The following SP4 variants were observed in gnomAD, a reference collection of about 807,000 sequenced individuals.
The protein encoded by SP4 is Sp4 transcription factor.
SP4 carries 19 observed loss-of-function variants against 72.8 expected under a neutral mutation model. That is an observed-to-expected ratio of 0.26 (90% CI 0.18 to 0.38). The LOEUF (loss-of-function observed/expected upper bound fraction) is 0.38. SP4 is among the 10% of genes least tolerant of loss of function. The probability of loss-of-function intolerance (pLI) is 1.00; values close to 1 mark genes in which losing one functional copy is unlikely to be tolerated. For synonymous variants in SP4, 395 were observed against 333.1 expected, an observed-to-expected ratio of 1.19 and a Z score of -2.02; for missense variants, 1,008 against 926.3, an observed-to-expected ratio of 1.09 and a Z score of -1.14.
Position 21,429,523 on chromosome 7 carries a change from C to T in SP4, c.358C>T (p.Pro120Ser), listed in dbSNP as rs754307799. The T allele has an allele frequency of 1.2e-6, 2 of 1,614,140 alleles. No homozygotes were observed. The highest frequency in any genetic ancestry group is 1.7e-4 in the Middle Eastern group (1 of 6,060). The change falls in exon 3 of 6, where the codon CCA becomes TCA. Residue 120 changes from proline (P) to serine (S), a missense_variant. Pro to Ser is a moderately conservative substitution (Grantham distance 74, BLOSUM62 -1). Around this residue, in one of 3 missense-constraint regions of SP4, gnomAD observed 893 missense variants for 743.3 expected, o/e 1.20. Coordinates refer to ENST00000222584, the MANE Select transcript of SP4 (RefSeq NM_003112.5). ...TTCAAAAGAGAATAACGTTTCTCAA[C>T]CAGCCTCTAGTTCGTCTAGTTCTTC... ...PASKENNVSQ[P>S]ASSSSSSSSS...
intron 3 of SP4, among the ~76,000 whole-genome samples, chr7:21,475,415 G>A (rs929360593): frequency 1.3e-5 from 2 of 151,426 alleles, no homozygotes; most frequent in African/African-American, 4.9e-5. Context: ...CGCCTGGCCT[G>A]AAAGAAACCC....
chr7:21,483,576 T>C (rs6948810), intron 5 of SP4, among the ~76,000 whole-genome samples: 118,833 of 151,720 alleles, frequency 0.78, 47,139 homozygotes, highest in African/African-American at 0.91. Context: ...TATTTTTCTT[T>C]CATATGGAAA....
rs1785013088 is a variant in SP4, at chr7:21,492,750, A to G, written c.2107+10627A>G. ...GATACTGTCCAATGACATTTTTTAA[A>G]AAGGATCCAGCTGTATACTCTGGAT... is the stretch of plus-strand genomic sequence containing the variant. On this transcript the variant is annotated intron_variant, in intron 5 of 5. Coordinates refer to ENST00000222584, the MANE Select transcript of SP4 (RefSeq NM_003112.5). Among the ~76,000 whole-genome samples, 3 of 152,360 alleles carry G rather than the reference A, an allele frequency of 2.0e-5. No homozygotes were observed. In the South Asian group the frequency reaches 6.2e-4, roughly 32 times the overall value.
chr7:21,443,650 G>A (rs1783330066), intron 3 of SP4, among the ~76,000 whole-genome samples: 1 of 152,198 alleles, frequency 6.6e-6, no homozygotes, highest in African/African-American at 2.4e-5. Context: ...GCTTTGGTAA[G>A]TGGGTATCTG....
chr7:21,434,283 T>C (rs1321786418), intron 3 of SP4, among the ~76,000 whole-genome samples: 1 of 152,168 alleles, frequency 6.6e-6, no homozygotes, highest in African/African-American at 2.4e-5. Context: ...CATTTTACTC[T>C]TCAGGAGATT....
chr7:21,486,638 TTATCA>T (rs369090400), intron 5 of SP4, among the ~76,000 whole-genome samples: 60 of 152,336 alleles, frequency 3.9e-4, no homozygotes, highest in African/African-American at 1.4e-3. Flanking sequence ...TGTCTTTCTC[TTATCA>T]TATAAGAGGA....
chr7:21,465,143 A>G (rs1360510353), intron 3 of SP4, among the ~76,000 whole-genome samples: 1 of 152,218 alleles, frequency 6.6e-6, no homozygotes, highest in Non-Finnish European at 1.5e-5. Context: ...GATTAGAATA[A>G]ATAGAAATAA....
intron 3 of SP4, among the ~76,000 whole-genome samples, chr7:21,440,283 G>T (rs1299818473): frequency 6.6e-6 from 1 of 152,008 alleles, no homozygotes; most frequent in Non-Finnish European, 1.5e-5. Flanking sequence ...TCAAAGATTA[G>T]GTAAGTTAAT....
At chr7:21,446,604 T>G (rs553974759) in intron 3 of SP4, among the ~76,000 whole-genome samples, 1 of 152,290 alleles carries the variant, frequency 6.6e-6, no homozygotes, top group South Asian at 2.1e-4. Context: ...GTACTTTCAT[T>G]TAGTGTTAGG....
In SP4 at chr7:21,430,514, A is replaced by G. The variant is rs1188620745; in HGVS notation, c.1349A>G (p.Asn450Ser). ...CAGAATGTTCAACTTCAAGCAGTAAATCCGACTCAGGTGCTTATCAGGGCT... is the reference window on the plus strand; with the variant it reads ...CAGAATGTTCAACTTCAAGCAGTAAGTCCGACTCAGGTGCTTATCAGGGCT... ...PLQNVQLQAVNPTQVLIRAPT... is the reference protein window; with the variant it reads ...PLQNVQLQAVSPTQVLIRAPT... The change falls in exon 3 of 6, where the codon AAT (asparagine) becomes AGT (serine). Residue 450 changes from asparagine (N) to serine (S), a missense_variant. Physicochemically the swap from Asn to Ser is conservative, Grantham distance 46 (BLOSUM62 1). Around this residue, in one of 3 missense-constraint regions of SP4, gnomAD observed 893 missense variants for 743.3 expected, o/e 1.20. Transcript: ENST00000222584. 6.2e-7 allele frequency: 1 copy of G among 1,614,104 alleles called. No individual in the cohort carries two copies. Among genetic ancestry groups the G allele is most frequent in the African/African-American group, 1.3e-5 (1 of 74,932 alleles).
At chr7:21,499,007 G>A (rs1781797317) in intron 5 of SP4, among the ~76,000 whole-genome samples, 1 of 151,116 alleles carries the variant, frequency 6.6e-6, no homozygotes, top group Non-Finnish European at 1.5e-5. Context: ...AGGAACCTGA[G>A]GGGCAGAGCT....
intron 3 of SP4, among the ~76,000 whole-genome samples, chr7:21,447,131 C>A (rs1326669805): frequency 6.6e-6 from 1 of 152,154 alleles, no homozygotes; most frequent in African/African-American, 2.4e-5. Context: ...GGATACAGAC[C>A]TTGAAGATGC....
intron 5 of SP4, among the ~76,000 whole-genome samples, chr7:21,483,146 T>G (rs1262048344): frequency 6.6e-6 from 1 of 152,080 alleles, no homozygotes; most frequent in Non-Finnish European, 1.5e-5. Flanking sequence ...AATCTAAAAT[T>G]GTTTCTTATT....
chr7:21,475,085 A>G (rs1017739623), intron 3 of SP4, among the ~76,000 whole-genome samples: 1 of 151,070 alleles, frequency 6.6e-6, no homozygotes, highest in Non-Finnish European at 1.5e-5. Context: ...GCTTTGAAAT[A>G]ACCTCCCCCA....
At chr7:21,465,530 C>T (rs191700805) in intron 3 of SP4, among the ~76,000 whole-genome samples, 3 of 152,150 alleles carry the variant, frequency 2.0e-5, no homozygotes, top group East Asian at 1.9e-4. Context: ...TAGTTTAGTT[C>T]GATTATAGCC....
At chr7:21,442,036 G>GT (rs1783271702) in intron 3 of SP4, among the ~76,000 whole-genome samples, 3 of 31,082 alleles carry the variant, frequency 9.7e-5, no homozygotes, top group African/African-American at 2.3e-4. Flanking sequence ...GTGTGTGTGT[G>GT]TATTTTTTTT....
chr7:21,467,158 CCCAGG>C (rs1339370053), intron 3 of SP4, among the ~76,000 whole-genome samples: 2 of 152,046 alleles, frequency 1.3e-5, no homozygotes, highest in African/African-American at 2.4e-5. Context: ...TTAGCAGCAT[CCCAGG>C]CCTCTACTCA....
intron 3 of SP4, among the ~76,000 whole-genome samples, chr7:21,461,800 A>G (rs900689888): frequency 6.6e-6 from 1 of 152,042 alleles, no homozygotes; most frequent in African/African-American, 2.4e-5. Flanking sequence ...TCACCTCTCA[A>G]TAGGAAGTTG....
intron 3 of SP4, among the ~76,000 whole-genome samples, chr7:21,441,061 A>C (rs1783230606): frequency 6.6e-6 from 1 of 152,188 alleles, no homozygotes; most frequent in African/African-American, 2.4e-5. Context: ...TACATATGAG[A>C]GTTTATACGT....
Sources: gnomAD v4.1 joint callset for allele counts (sites outside exome capture counted in the v4.1 genomes callset) on GRCh38, gnomAD v4.1.1 for gene constraint, gnomAD v4.1.1 regional missense constraint, MANE v1.5 for transcripts, NCBI Gene and HGNC (gene_info 2026-07-23, HGNC 2026-07-21) for gene names.